The following USP34 variants were observed in gnomAD, a reference collection of about 807,000 sequenced individuals.
USP34 encodes the protein ubiquitin specific peptidase 34, also known as ubiquitin carboxyl-terminal hydrolase 34.
A neutral mutation model predicts 460.3 loss-of-function variants in USP34; 70 were observed. That is an observed-to-expected ratio of 0.15 (90% CI 0.13 to 0.19). The LOEUF (loss-of-function observed/expected upper bound fraction) is 0.19. Among genes scored for constraint, USP34 ranks in the 10% least tolerant of loss-of-function variants. USP34 has a pLI of 1.00. For synonymous variants in USP34, 1,647 were observed against 1,405.3 expected (o/e 1.17, Z -3.85); for missense variants, 3,985 against 4,236.2 (o/e 0.94, Z 1.65).
chr2:61,348,381 C>T lies in USP34; in HGVS notation c.1774G>A (p.Glu592Lys). Residue 592 changes from glutamate (E) to lysine (K), a missense_variant, in exon 15 of 80, where the codon GAG (glutamate) becomes AAG (lysine). Transcript: ENST00000398571. ...TGGCTTGCGTGGCTAGAATTAACCT[C>T]ATTGCTAGATCCATCACTATGCCCA... ...SSGHSDGSSN[E>K]VNSSHASQSA... 6.2e-7 allele frequency: 1 copy of T among 1,614,030 alleles called. No homozygotes were observed. The highest frequency in any genetic ancestry group is 8.5e-7 in the Non-Finnish European group (1 of 1,180,032).
In USP34 at chr2:61,214,440, C is replaced by T; in HGVS notation, c.8302G>A (p.Glu2768Lys). The T allele has an allele frequency of 6.2e-7, 1 of 1,614,190 alleles. No individual in the cohort carries two copies. The highest frequency in any genetic ancestry group is 8.5e-7 in the Non-Finnish European group (1 of 1,180,038). The change falls in exon 68 of 80, where the codon GAG (glutamate) becomes AAG (lysine). Residue 2768 changes from glutamate to lysine, a missense_variant. Glu to Lys is a moderately conservative substitution (Grantham distance 56). Transcript: ENST00000398571. ...FMTYCLISKT[E>K]KLMFSTYFMD... is the part of the protein sequence containing the mutation. ...AAATATGTGGAAAACATCAGCTTCTCAGTTTTGGAAATTAAACAGTAAGTC... is the reference window on the plus strand; with the variant it reads ...AAATATGTGGAAAACATCAGCTTCTTAGTTTTGGAAATTAAACAGTAAGTC...
rs1023356880 is a variant in USP34, at chr2:61,283,032, T to C, written c.4998+113A>G. 10 of 1,084,524 alleles carry C rather than the reference T, an allele frequency of 9.2e-6. No homozygotes were observed. In the South Asian group the frequency reaches 1.6e-4, roughly 17 times the overall value. The allele number at this position is 1,084,524 out of a possible 1,614,324, so 67.2% of individuals were successfully genotyped here. Reference sequence around the variant, plus strand: ...ACCTTAAAGGATTAAGCAGATAATGTGATATATTTATGGACTCACGCATAT... The same window carrying C: ...ACCTTAAAGGATTAAGCAGATAATGCGATATATTTATGGACTCACGCATAT... On this transcript the variant is annotated intron_variant, in intron 37 of 79. Coordinates refer to ENST00000398571, the MANE Select transcript of USP34 (RefSeq NM_014709.4).
intron 1 of USP34, among the ~76,000 whole-genome samples, chr2:61,436,337 CAT>C (rs1694811340): frequency 6.6e-6 from 1 of 152,106 alleles, no homozygotes; most frequent in Admixed American, 6.6e-5. Flanking sequence ...TAAAGACACA[CAT>C]AGACTAAAAG....
chr2:61,235,556 T>A (rs1327612639), intron 57 of USP34, among the ~76,000 whole-genome samples: 1 of 152,030 alleles, frequency 6.6e-6, no homozygotes, highest in Non-Finnish European at 1.5e-5. Flanking sequence ...GACCTCTTGA[T>A]CTCGTAATCC....
chr2:61,407,796 G>A (rs924488090), intron 2 of USP34, among the ~76,000 whole-genome samples: 2 of 152,138 alleles, frequency 1.3e-5, no homozygotes, highest in African/African-American at 2.4e-5. Flanking sequence ...GACCACATGA[G>A]AAAGTACCAA....
chr2:61,374,875 T>C (rs1247144398), intron 8 of USP34, among the ~76,000 whole-genome samples: 2 of 152,168 alleles, frequency 1.3e-5, no homozygotes, highest in Admixed American at 1.3e-4. Context: ...AGTCTCCTAC[T>C]TTCAATAATA....
At chr2:61,236,931 T>G (rs1688086383) in intron 53 of USP34, among the ~76,000 whole-genome samples, 1 of 152,250 alleles carries the variant, frequency 6.6e-6, no homozygotes, top group Non-Finnish European at 1.5e-5. Context: ...CTAGATGTTC[T>G]GACTATTGAT....
At chr2:61,233,050 G>C (rs1687959733) in intron 57 of USP34, among the ~76,000 whole-genome samples, 2 of 151,690 alleles carry the variant, frequency 1.3e-5, no homozygotes, top group African/African-American at 4.8e-5. Flanking sequence ...AGTAGAAATG[G>C]GGTTTCACTA....
chr2:61,232,650 G>C (rs1383459131), intron 57 of USP34, 118 bp from the exon 58 acceptor site: 1 of 844,112 alleles, frequency 1.2e-6, no homozygotes, highest in Non-Finnish European at 1.8e-6. Context: ...GTTCTTACCA[G>C]AAAAGTTTCT....
At chr2:61,409,526 C>T (rs1693978250) in intron 2 of USP34, among the ~76,000 whole-genome samples, 1 of 152,044 alleles carries the variant, frequency 6.6e-6, no homozygotes. Flanking sequence ...CCAGCCTGGC[C>T]AACATCGTGA....
intron 1 of USP34, among the ~76,000 whole-genome samples, chr2:61,455,031 G>A (rs1375636560): frequency 6.6e-6 from 1 of 151,732 alleles, no homozygotes; most frequent in African/African-American, 2.4e-5. Context: ...ACAGGCACAC[G>A]CCACAATGCT....
intron 57 of USP34, among the ~76,000 whole-genome samples, chr2:61,233,408 A>G (rs1483821606): frequency 2.0e-5 from 3 of 152,180 alleles, no homozygotes; most frequent in Non-Finnish European, 4.4e-5. Context: ...ATTAAGGAAG[A>G]CTTAACAAAC....
At chr2:61,397,996 G>A (rs6711827) in intron 3 of USP34, among the ~76,000 whole-genome samples, 28 of 152,160 alleles carry the variant, frequency 1.8e-4, no homozygotes, top group African/African-American at 6.7e-4. Context: ...GAACCCGCTT[G>A]GGGGAGGGGG....
At chr2:61,204,219 C>T in intron 74 of USP34, 37 bp downstream of exon 74, 1 of 1,613,648 alleles carries the variant, frequency 6.2e-7, no homozygotes, top group Non-Finnish European at 8.5e-7. Flanking sequence ...TTACTTTGTA[C>T]TATAGCAACA....
intron 78 of USP34, 176 bp from the exon 79 acceptor site, chr2:61,189,245 G>T: frequency 3.3e-6 from 2 of 597,698 alleles, no homozygotes; most frequent in South Asian, 3.1e-5. Flanking sequence ...AGATACTACA[G>T]CATTTCATTA....
At chr2:61,404,321 A>G (rs772787145) in intron 3 of USP34, among the ~76,000 whole-genome samples, 1 of 152,186 alleles carries the variant, frequency 6.6e-6, no homozygotes, top group African/African-American at 2.4e-5. Context: ...AATTCTTCAT[A>G]TTCCAGGATG....
intron 39 of USP34, among the ~76,000 whole-genome samples, chr2:61,279,421 T>C (rs1036162879): frequency 6.6e-6 from 1 of 152,172 alleles, no homozygotes; most frequent in Non-Finnish European, 1.5e-5. Flanking sequence ...TAAATTTATG[T>C]ACACTGGAAA....
At chr2:61,381,330 CTGT>C (rs1442271629) in intron 6 of USP34, among the ~76,000 whole-genome samples, 3 of 151,670 alleles carry the variant, frequency 2.0e-5, no homozygotes, top group African/African-American at 7.3e-5. Context: ...TGATAAATGG[CTGT>C]TGTTTCATTT....
At chr2:61,417,200 A>G (rs1694222050) in intron 2 of USP34, 1 of 1,556,638 alleles carries the variant, frequency 6.4e-7, no homozygotes. Flanking sequence ...TGGACCCTAC[A>G]CTGGGGTAGT....
Sources: gnomAD v4.1 joint callset for allele counts (sites outside exome capture counted in the v4.1 genomes callset) on GRCh38, gnomAD v4.1.1 for gene constraint, MANE v1.5 for transcripts, NCBI Gene and HGNC (gene_info 2026-07-23, HGNC 2026-07-21) for gene names.